APOO: variants seen among roughly 807,000 people sequenced by gnomAD.
APOO encodes the protein apolipoprotein O, also known as MICOS complex subunit MIC26.
A neutral mutation model predicts 23.1 loss-of-function variants in APOO; 11 were observed. The observed-to-expected ratio is 0.48, with a 90% CI of 0.30 to 0.79. The LOEUF is 0.79. Ranked by LOEUF, APOO falls within the 30% of genes least tolerant of loss-of-function variation. APOO has a pLI of 0.07. For missense variants in APOO, 160 were observed against 142.7 expected, an observed-to-expected ratio of 1.12 and a Z score of -0.62; for synonymous variants, 59 against 54.8, an observed-to-expected ratio of 1.08 and a Z score of -0.34.
At chrX:23,875,480 G>A (rs1252641432) in intron 3 of APOO, among the ~76,000 whole-genome samples, 5 of 101,579 alleles carry the variant, frequency 4.9e-5, no homozygotes, top group South Asian at 4.9e-4. Context: ...GTGCAGTGGC[G>A]CGACCTCGGC....
intron 1 of APOO, among the ~76,000 whole-genome samples, chrX:23,903,353 G>C (rs1307638102): frequency 9.3e-6 from 1 of 107,533 alleles, no homozygotes; most frequent in African/African-American, 3.4e-5. Context: ...CTGCGTGATA[G>C]AGCGAGACTC....
chrX:23,847,796 C>T (rs1243988283), intron 7 of APOO, among the ~76,000 whole-genome samples: 3 of 101,342 alleles, frequency 3.0e-5, no homozygotes, highest in Non-Finnish European at 6.0e-5. Context: ...TTGTGCCCAG[C>T]CTATAATTAT....
At chrX:23,880,736 A>AAATAAATG (rs1555962025) in intron 2 of APOO, 109 bp downstream of exon 2, 1 of 282,407 alleles carries the variant, frequency 3.5e-6, no homozygotes, top group African/African-American at 3.0e-5. Flanking sequence ...ATAAATAAAT[A>AAATAAATG]AATGTATTTT....
chrX:23,861,775 C>T (rs1429501326), intron 5 of APOO, among the ~76,000 whole-genome samples: 1 of 105,639 alleles, frequency 9.5e-6, no homozygotes, highest in Non-Finnish European at 1.9e-5. Context: ...GTCAGTGGGC[C>T]CCATGTACAG....
chrX:23,882,898 C>T (rs919864804), intron 1 of APOO, among the ~76,000 whole-genome samples: 30 of 110,697 alleles, frequency 2.7e-4, no homozygotes, highest in Non-Finnish European at 4.9e-4. Context: ...CCACCCACCG[C>T]GGCCTCCCAA....
rs764468564 is a variant in APOO, at chrX:23,907,894, G to A, written c.-192C>T. 1.3e-4 allele frequency: 59 copies of A among 452,033 alleles called. No homozygotes were observed. Among genetic ancestry groups the A allele is most frequent in the Non-Finnish European group, 1.9e-4 (56 of 292,216 alleles). 37.3% of individuals were successfully genotyped at this position (452,033 alleles called of 1,213,427 possible). On this transcript the variant is annotated 5_prime_UTR_variant, in exon 1 of 9. Coordinates refer to ENST00000379226, the MANE Select transcript of APOO (RefSeq NM_024122.5). ...ATCACCCGGTTCTAGAAGCCGCGTCGCTGAGCCGCAGCGCGTCGCGCCCGG... is the reference window on the plus strand; with the variant it reads ...ATCACCCGGTTCTAGAAGCCGCGTCACTGAGCCGCAGCGCGTCGCGCCCGG...
At chrX:23,893,174 T>C (rs1231114355) in intron 1 of APOO, among the ~76,000 whole-genome samples, 20 of 108,436 alleles carry the variant, frequency 1.8e-4, no homozygotes, top group African/African-American at 6.7e-4. Flanking sequence ...TCCCAGCACT[T>C]TGGGAGGCCG....
In APOO at chrX:23,849,553, G is replaced by T. The variant is rs757281194; in HGVS notation, c.561+6749C>A. ...TGTAAGGAAGTCAACTCCAAAAGAT[G>T]GAAGGGGAGCCTGTAGATTAAGAGA... On this transcript the variant is annotated intron_variant, in intron 7 of 8. Transcript: ENST00000379226. 1.3e-4 allele frequency among the ~76,000 whole-genome samples: 12 copies of T among 93,353 alleles called. No homozygotes were observed. In the South Asian group the frequency reaches 4.3e-3, roughly 34 times the overall value. The allele number at this position is 93,353 out of a possible 115,157, so 81.1% of individuals were successfully genotyped here. A position where few individuals can be genotyped will look rare whatever the true frequency, so the allele number is the denominator to read the frequency against.
intron 4 of APOO, among the ~76,000 whole-genome samples, chrX:23,870,348 T>A (rs1221196025): frequency 8.9e-6 from 1 of 111,774 alleles, no homozygotes; most frequent in Non-Finnish European, 1.9e-5. Flanking sequence ...TGGTACCTAA[T>A]CCTATAGTAC....
At chrX:23,837,542 A>G (rs757382467) in intron 8 of APOO, among the ~76,000 whole-genome samples, 2 of 109,541 alleles carry the variant, frequency 1.8e-5, no homozygotes, top group African/African-American at 6.7e-5. Context: ...TTGTAAAACA[A>G]TATGTGGAAT....
chrX:23,903,092 G>A (rs1047953191), intron 1 of APOO, among the ~76,000 whole-genome samples: 5 of 112,027 alleles, frequency 4.5e-5, no homozygotes, highest in African/African-American at 1.6e-4. Flanking sequence ...GAATCTGGCC[G>A]GGTGCGGCGG....
Position 23,858,682 on chromosome X carries a change from G to T in APOO, c.440C>A (p.Ala147Asp). Residue 147 changes from alanine to aspartate, a missense_variant, in exon 6 of 9, where the codon GCC becomes GAC. Ala to Asp is a moderately radical substitution (Grantham distance 126, BLOSUM62 -2). Transcript: ENST00000379226. ...GGCTTGTTGTGGATAATAGAGGGAG[G>T]CAGCTAATCCCATGAAACCAGGCGG... ...VYPPGFMGLA[A>D]SLYYPQQAIV... 8.3e-7 allele frequency: 1 copy of T among 1,211,239 alleles called. No homozygotes were observed. The highest frequency in any genetic ancestry group is 1.1e-6 in the Non-Finnish European group (1 of 895,268).
chrX:23,839,004 TA>T (rs1255704759), intron 8 of APOO, among the ~76,000 whole-genome samples: 3 of 111,704 alleles, frequency 2.7e-5, no homozygotes, highest in African/African-American at 9.8e-5. Flanking sequence ...ATAACCATAT[TA>T]AAAGTCAAGT....
intron 4 of APOO, among the ~76,000 whole-genome samples, chrX:23,871,038 G>A (rs769918572): frequency 6.8e-4 from 73 of 107,886 alleles, no homozygotes; most frequent in African/African-American, 2.2e-3. Context: ...GCAGTGAGCC[G>A]AGATCACACC....
At chrX:23,880,769 T>C in intron 2 of APOO, 76 bp downstream of exon 2, 3 of 472,070 alleles carry the variant, frequency 6.4e-6, no homozygotes, top group Non-Finnish European at 9.7e-6. Context: ...CTTCCTGATA[T>C]ACAATTTGTA....
chrX:23,885,708 G>C (rs1163430354), intron 1 of APOO, among the ~76,000 whole-genome samples: 3 of 110,268 alleles, frequency 2.7e-5, no homozygotes, highest in Non-Finnish European at 5.7e-5. Context: ...TGCCTAAACT[G>C]TTTTCTTCTT....
intron 1 of APOO, among the ~76,000 whole-genome samples, chrX:23,902,646 C>T (rs1163586314): frequency 8.9e-6 from 1 of 111,868 alleles, no homozygotes; most frequent in African/African-American, 3.3e-5. Flanking sequence ...CACCAATGCC[C>T]CCTAGTGACC....
chrX:23,841,114 C>G (rs1266927666), intron 7 of APOO, among the ~76,000 whole-genome samples: 1 of 111,827 alleles, frequency 8.9e-6, no homozygotes, highest in Non-Finnish European at 1.9e-5. Flanking sequence ...CTGGGCGGGC[C>G]ATGGGGGCTA....
Position 23,880,847 on chromosome X carries a change from C to T in APOO, c.115G>A (p.Glu39Lys), listed in dbSNP as rs138309366. The part of the protein sequence containing the change: ...SPPKNSVKVD[E>K]LSLYSVPEGQ... ...TCGCAACATGAACAACATGTTACCTCATCAACCTTCACGGAATTTTTGGGA... is the reference window on the plus strand; with the variant it reads ...TCGCAACATGAACAACATGTTACCTTATCAACCTTCACGGAATTTTTGGGA... The change falls in exon 2 of 9, where the codon GAG becomes AAG. Residue 39 changes from glutamate to lysine, a missense_variant and splice_region_variant. Glu to Lys is a moderately conservative substitution (Grantham distance 56). Coordinates refer to ENST00000379226, the MANE Select transcript of APOO (RefSeq NM_024122.5). The T allele has an allele frequency of 1.7e-6, 2 of 1,172,603 alleles. No individual in the cohort carries two copies. The highest frequency in any genetic ancestry group is 1.8e-5 in the African/African-American group (1 of 56,626).
Sources: gnomAD v4.1 joint callset for allele counts (sites outside exome capture counted in the v4.1 genomes callset) on GRCh38, gnomAD v4.1.1 for gene constraint, MANE v1.5 for transcripts, NCBI Gene and HGNC (gene_info 2026-07-23, HGNC 2026-07-21) for gene names.